BMPR1B: variants seen among roughly 807,000 people sequenced by gnomAD.
The protein encoded by BMPR1B is bone morphogenetic protein receptor type-1B.
A neutral mutation model predicts 59.1 loss-of-function variants in BMPR1B; 12 were observed. The ratio of observed to expected loss-of-function variants is 0.20; its 90% CI spans 0.13 to 0.33. The LOEUF is 0.33. Among genes scored for constraint, BMPR1B ranks in the 10% least tolerant of loss-of-function variants. The pLI, the probability that BMPR1B is intolerant of heterozygous loss-of-function variation, is 1.00. For synonymous variants in BMPR1B, 237 were observed against 207.3 expected (o/e 1.14, Z -1.23); for missense variants, 550 against 610.9 (o/e 0.90, Z 1.05).
intron 3 of BMPR1B, among the ~76,000 whole-genome samples, chr4:95,097,127 A>C (rs1200122505): frequency 1.3e-5 from 1 of 77,052 alleles, no homozygotes; most frequent in South Asian, 4.6e-4. Context: ...TTTATATATT[A>C]ATTTATATAT....
At chr4:94,803,541 T>C (rs1036465890) in intron 1 of BMPR1B, among the ~76,000 whole-genome samples, 2 of 152,202 alleles carry the variant, frequency 1.3e-5, no homozygotes, top group Non-Finnish European at 2.9e-5. Context: ...CTCACAACTA[T>C]TCTAATATCA....
At chr4:94,939,099 T>C (rs1322955428) in intron 2 of BMPR1B, among the ~76,000 whole-genome samples, 3 of 152,200 alleles carry the variant, frequency 2.0e-5, no homozygotes, top group Non-Finnish European at 4.4e-5. Context: ...CTTCTGCCAT[T>C]TGACAAATAA....
intron 6 of BMPR1B, among the ~76,000 whole-genome samples, chr4:95,116,702 C>G (rs1732094968): frequency 6.6e-6 from 1 of 151,648 alleles, no homozygotes; most frequent in Non-Finnish European, 1.5e-5. Context: ...GCAACCTCCA[C>G]CTCCTGGGCT....
At chr4:95,009,897 A>C (rs1723102012) in intron 3 of BMPR1B, among the ~76,000 whole-genome samples, 2 of 152,204 alleles carry the variant, frequency 1.3e-5, no homozygotes. Context: ...TTCCGTGTGG[A>C]GAATGATGAA....
At chr4:95,087,479 C>T (rs1427549414) in intron 3 of BMPR1B, among the ~76,000 whole-genome samples, 4 of 151,968 alleles carry the variant, frequency 2.6e-5, no homozygotes, top group African/African-American at 9.7e-5. Flanking sequence ...ACCCGTAATC[C>T]CAGAACTTTG....
chr4:95,152,470 A>G (rs1735113862), intron 11 of BMPR1B, among the ~76,000 whole-genome samples, 173 bp from the exon 12 acceptor site: 1 of 152,176 alleles, frequency 6.6e-6, no homozygotes, highest in African/African-American at 2.4e-5. Context: ...TTTTTTCTAA[A>G]TTAGATTAAG....
intron 12 of BMPR1B, 41 bp from the exon 13 acceptor site, chr4:95,154,507 C>T (rs1018888921): frequency 3.1e-6 from 5 of 1,613,508 alleles, no homozygotes; most frequent in East Asian, 2.2e-5. Context: ...CAGGTGCCAG[C>T]CTTGCAGATG....
At chr4:95,025,480 A>G (rs1459226139) in intron 3 of BMPR1B, among the ~76,000 whole-genome samples, 2 of 152,188 alleles carry the variant, frequency 1.3e-5, no homozygotes, top group East Asian at 1.9e-4. Context: ...TGTAGTGGAC[A>G]TGAAGACAAG....
rs549439840 is a variant in BMPR1B, at chr4:94,897,257, C to T, written c.-113+21357C>T. 1.4e-4 allele frequency among the ~76,000 whole-genome samples: 22 copies of T among 152,134 alleles called. No homozygotes were observed. In the East Asian group the frequency reaches 2.1e-3, roughly 15 times the overall value. Reference sequence around the variant, plus strand: ...TTCCTGCTTATATAGGATGACCCTGCGTGGACTCCGAAACCTTTTGTGCCT... The same window carrying T: ...TTCCTGCTTATATAGGATGACCCTGTGTGGACTCCGAAACCTTTTGTGCCT... On this transcript the variant is annotated intron_variant, in intron 2 of 12. Transcript: ENST00000515059.
intron 3 of BMPR1B, among the ~76,000 whole-genome samples, chr4:95,076,399 A>C (rs1728708299): frequency 1.3e-5 from 2 of 152,116 alleles, no homozygotes; most frequent in South Asian, 4.1e-4. Context: ...GTCTTTCTTC[A>C]AAAATTTGCA....
chr4:95,150,852 A>G (rs192856136), intron 11 of BMPR1B, among the ~76,000 whole-genome samples: 7 of 152,320 alleles, frequency 4.6e-5, no homozygotes, highest in African/African-American at 1.7e-4. Context: ...CTGAGAGCCA[A>G]GTTTCCTCAT....
At chr4:94,844,334 A>G (rs1044675654) in intron 1 of BMPR1B, among the ~76,000 whole-genome samples, 1 of 152,020 alleles carries the variant, frequency 6.6e-6, no homozygotes, top group African/African-American at 2.4e-5. Context: ...GATACAAGAA[A>G]CAGAAACTAA....
At chr4:94,941,718 A>C (rs1330089457) in intron 2 of BMPR1B, among the ~76,000 whole-genome samples, 1 of 152,120 alleles carries the variant, frequency 6.6e-6, no homozygotes, top group Non-Finnish European at 1.5e-5. Context: ...TTTTCAGTGA[A>C]TTGCTCTGTG....
At chr4:94,814,607 TATTTA>T (rs1232060608) in intron 1 of BMPR1B, among the ~76,000 whole-genome samples, 1 of 152,216 alleles carries the variant, frequency 6.6e-6, no homozygotes, top group African/African-American at 2.4e-5. Flanking sequence ...GCAATACCCT[TATTTA>T]ATTGTTGTGA....
intron 4 of BMPR1B, among the ~76,000 whole-genome samples, chr4:95,108,862 C>T (rs1488504618): frequency 6.6e-6 from 1 of 152,086 alleles, no homozygotes; most frequent in Non-Finnish European, 1.5e-5. Flanking sequence ...AGTTCCATTT[C>T]CAGATTCTAC....
intron 2 of BMPR1B, among the ~76,000 whole-genome samples, chr4:94,937,719 GAC>G (rs70946570): frequency 6.4e-4 from 95 of 147,526 alleles, no homozygotes; most frequent in African/African-American, 1.8e-3. Flanking sequence ...CACACACACA[GAC>G]ACACACACAC....
At chr4:94,962,949 G>A (rs78498434) in intron 2 of BMPR1B, among the ~76,000 whole-genome samples, 5,693 of 152,148 alleles carry the variant, frequency 0.037, 362 homozygotes, top group African/African-American at 0.13. Context: ...CAGTGTACTA[G>A]CATTCTCCTT....
intron 3 of BMPR1B, among the ~76,000 whole-genome samples, chr4:95,058,397 A>ATG (rs1271641864): frequency 2.6e-5 from 4 of 152,168 alleles, no homozygotes; most frequent in Non-Finnish European, 4.4e-5. Context: ...GTGTTGCATA[A>ATG]TGTCCCCATA....
At chr4:95,122,105 A>T (rs2098957) in intron 6 of BMPR1B, among the ~76,000 whole-genome samples, 12,245 of 152,192 alleles carry the variant, frequency 0.08, 632 homozygotes, top group Middle Eastern at 0.12. Context: ...GCACTTTGGG[A>T]GACCGAGGAT....
Sources: gnomAD v4.1 joint callset for allele counts (sites outside exome capture counted in the v4.1 genomes callset) on GRCh38, gnomAD v4.1.1 for gene constraint, MANE v1.5 for transcripts, NCBI Gene and HGNC (gene_info 2026-07-23, HGNC 2026-07-21) for gene names.